Variants in HRH2 observed in about 807,000 individuals in gnomAD.
HRH2 encodes the protein histamine H2 receptor.
A neutral mutation model predicts 20.1 loss-of-function variants in HRH2; 4 were observed. The observed-to-expected ratio is 0.20, with a 90% CI of 0.10 to 0.45. The LOEUF is 0.45. HRH2 is among the 20% of genes least tolerant of loss of function. The pLI, the probability that HRH2 is intolerant of heterozygous loss-of-function variation, is 0.99. For synonymous variants in HRH2, 197 were observed against 200.7 expected (o/e 0.98, Z 0.16); for missense variants, 250 against 461.6 (o/e 0.54, Z 4.20).
Position 175,693,792 on chromosome 5 carries a change from T to C in HRH2, c.1076+9483T>C, listed in dbSNP as rs2113540209. Among the ~76,000 whole-genome samples, 2 of 152,298 alleles carry C rather than the reference T, an allele frequency of 1.3e-5. 1 individual carries two copies. Among genetic ancestry groups the C allele is most frequent in the South Asian group, 4.1e-4 (2 of 4,826 alleles). On this transcript the variant is annotated intron_variant, in intron 2 of 2. Transcript: ENST00000636584. This position sits in a 1 kb window ranked among gnomAD's most constrained non-coding sequence, Gnocchi z 4.4. Reference sequence around the variant, plus strand: ...GGTGGTAAGAGGATGCACATGCTCTTGTTCTGCCCCGCTTTTGTTCCACCT... The same window carrying C: ...GGTGGTAAGAGGATGCACATGCTCTCGTTCTGCCCCGCTTTTGTTCCACCT...
At position 175,681,918 on chromosome 5, in the gene HRH2, G is replaced by A. The variant is rs1033508464; in HGVS notation, c.-525-791G>A. Among the ~76,000 whole-genome samples the A allele has an allele frequency of 2.0e-5, 3 of 152,176 alleles. No homozygotes were observed. Among genetic ancestry groups the A allele is most frequent in the African/African-American group, 2.4e-5 (1 of 41,428 alleles). On this transcript the variant is annotated intron_variant, in intron 1 of 2. Coordinates refer to ENST00000636584, the MANE Select transcript of HRH2 (RefSeq NM_001367711.1). This position sits in a 1 kb window ranked among gnomAD's most constrained non-coding sequence, Gnocchi z 4.3. The stretch of plus-strand genomic sequence containing the variant: ...AGGGGTGGCGTGGATGACAGGTGAC[G>A]AACTGCCGATTAAATCTGGCCCTCT...
At chr5:175,667,203 G>C (rs1762924476) in intron 1 of HRH2, among the ~76,000 whole-genome samples, 1 of 152,062 alleles carries the variant, frequency 6.6e-6, no homozygotes, top group Non-Finnish European at 1.5e-5. Flanking sequence ...CAGCATTTTG[G>C]GAGGCTGAGG....
chr5:175,689,822 G>A (rs1756300500), intron 2 of HRH2, among the ~76,000 whole-genome samples: 1 of 152,216 alleles, frequency 6.6e-6, no homozygotes, highest in African/African-American at 2.4e-5. Flanking sequence ...TCTGAGTCAG[G>A]ATGGGAATCC....
At chr5:175,689,433 C>T (rs542106108) in intron 2 of HRH2, among the ~76,000 whole-genome samples, 7 of 152,246 alleles carry the variant, frequency 4.6e-5, no homozygotes, top group African/African-American at 1.7e-4. Flanking sequence ...GACCCTAACA[C>T]GTGGCACTGT....
At chr5:175,694,190 T>TC (rs1756484001) in intron 2 of HRH2, among the ~76,000 whole-genome samples, 1 of 152,120 alleles carries the variant, frequency 6.6e-6, no homozygotes, top group South Asian at 2.1e-4. Context: ...TTTATTCTGC[T>TC]CCGGGACCTC....
At chr5:175,676,004 G>T (rs909227658) in intron 1 of HRH2, among the ~76,000 whole-genome samples, 1 of 152,106 alleles carries the variant, frequency 6.6e-6, no homozygotes, top group Non-Finnish European at 1.5e-5. Context: ...GCGTGGGTAC[G>T]CACACGTGTG....
chr5:175,707,267 G>A (rs181745922), intron 2 of HRH2, among the ~76,000 whole-genome samples: 36 of 152,060 alleles, frequency 2.4e-4, no homozygotes, highest in Non-Finnish European at 3.7e-4. Flanking sequence ...TATAAAAAAG[G>A]CAATTTTAAA....
Position 175,684,314 on chromosome 5 carries a change from T to C in HRH2, c.1076+5T>C. 6 of 1,611,714 alleles carry C rather than the reference T, an allele frequency of 3.7e-6. No individual in the cohort carries two copies. Among genetic ancestry groups the C allele is most frequent in the Non-Finnish European group, 5.1e-6 (6 of 1,178,514 alleles). ...CCCCCAGGGAGCCACAGACAGGTAATAGCCCTAGCCATTGGTGCACAGGAT... is the reference window on the plus strand; with the variant it reads ...CCCCCAGGGAGCCACAGACAGGTAACAGCCCTAGCCATTGGTGCACAGGAT... On this transcript the variant is annotated splice_donor_5th_base_variant and intron_variant, in intron 2 of 2. Coordinates refer to ENST00000636584, the MANE Select transcript of HRH2 (RefSeq NM_001367711.1).
At position 175,699,384 on chromosome 5, in the gene HRH2, C is replaced by G. The variant is rs564162238; in HGVS notation, c.1077-8395C>G. On this transcript the variant is annotated intron_variant, in intron 2 of 2. Coordinates refer to ENST00000636584, the MANE Select transcript of HRH2 (RefSeq NM_001367711.1). ...CTGTGAGGTGGGTTGTGGCTGGCCC[C>G]AAGGGCAGGAGCCATCCCCTCTCCT... Among the ~76,000 whole-genome samples the G allele has an allele frequency of 3.3e-5, 5 of 152,294 alleles. No individual in the cohort carries two copies. In the South Asian group the frequency reaches 6.2e-4, roughly 19 times the overall value.
At chr5:175,702,667 T>C (rs1187323337) in intron 2 of HRH2, among the ~76,000 whole-genome samples, 1 of 143,730 alleles carries the variant, frequency 7.0e-6, no homozygotes, top group Non-Finnish European at 1.5e-5. Context: ...TTCTCCTGCC[T>C]CAACCTCCTG....
intron 2 of HRH2, among the ~76,000 whole-genome samples, chr5:175,698,530 G>T (rs1756684245): frequency 6.6e-6 from 1 of 152,144 alleles, no homozygotes; most frequent in Non-Finnish European, 1.5e-5. Context: ...CCCAGCTCAG[G>T]CCCCAGAACA....
At chr5:175,673,519 G>C (rs1171215862) in intron 1 of HRH2, among the ~76,000 whole-genome samples, 1 of 152,150 alleles carries the variant, frequency 6.6e-6, no homozygotes, top group Non-Finnish European at 1.5e-5. Flanking sequence ...CCAGGGGCTA[G>C]GGAAAGGGAG....
intron 2 of HRH2, chr5:175,685,373 G>A: frequency 6.5e-7 from 1 of 1,535,590 alleles, no homozygotes; most frequent in Non-Finnish European, 8.8e-7. Context: ...CATAGAAGTT[G>A]CTCAATAAAT....
At chr5:175,682,255 C>T (rs1027230702) in intron 1 of HRH2, among the ~76,000 whole-genome samples, 19 of 152,232 alleles carry the variant, frequency 1.2e-4, no homozygotes, top group African/African-American at 4.3e-4. Context: ...TGCCAAACAG[C>T]AGCACCAGAT....
Position 175,685,034 on chromosome 5 carries a change from C to T in HRH2, c.1076+725C>T, listed in dbSNP as rs559028516. Among the ~76,000 whole-genome samples the T allele has an allele frequency of 2.6e-5, 4 of 152,198 alleles. No individual in the cohort carries two copies. In the East Asian group the frequency reaches 5.8e-4, roughly 22 times the overall value. On this transcript the variant is annotated intron_variant, in intron 2 of 2. Coordinates refer to ENST00000636584, the MANE Select transcript of HRH2 (RefSeq NM_001367711.1). ...GTAGACGAGGGGGTTGTGGCACTGA[C>T]TCATGAGAGAGGAAAGAGAGGAAAG...
At position 175,665,978 on chromosome 5, in the gene HRH2, G is replaced by C. The variant is rs183443443; in HGVS notation, c.-526+7823G>C. On this transcript the variant is annotated intron_variant, in intron 1 of 2. Coordinates refer to ENST00000636584, the MANE Select transcript of HRH2 (RefSeq NM_001367711.1). Reference sequence around the variant, plus strand: ...AGGACATTTTATTTCAAACCCAGAAGATTTTACTGAACATCCAGATTTCCA... The same window carrying C: ...AGGACATTTTATTTCAAACCCAGAACATTTTACTGAACATCCAGATTTCCA... 1.4e-3 allele frequency among the ~76,000 whole-genome samples: 206 copies of C among 152,326 alleles called. 1 individual carries two copies. Among genetic ancestry groups the C allele is most frequent in the Non-Finnish European group, 1.9e-3 (127 of 68,028 alleles).
intron 1 of HRH2, among the ~76,000 whole-genome samples, chr5:175,668,844 G>A (rs991679716): frequency 2.6e-5 from 4 of 152,188 alleles, no homozygotes; most frequent in Non-Finnish European, 5.9e-5. Flanking sequence ...AAGAGGGTGG[G>A]AGAAGCAGGG....
chr5:175,658,634 G>A (rs893520813), intron 1 of HRH2, among the ~76,000 whole-genome samples: 4 of 152,180 alleles, frequency 2.6e-5, no homozygotes, highest in African/African-American at 9.7e-5. Flanking sequence ...GGAGAGCGGG[G>A]GCTGCTGGGG....
chr5:175,689,593 C>A (rs1756291804), intron 2 of HRH2, among the ~76,000 whole-genome samples: 1 of 152,218 alleles, frequency 6.6e-6, no homozygotes, highest in Non-Finnish European at 1.5e-5. Context: ...GTTCCAGAAA[C>A]CTCGTAAGAA....
Sources: allele counts gnomAD v4.1 joint callset (sites outside exome capture counted in the v4.1 genomes callset), GRCh38; gene constraint gnomAD v4.1.1; non-coding constraint Gnocchi (gnomAD v3.1); transcripts MANE v1.5; gene names NCBI Gene and HGNC (gene_info 2026-07-23, HGNC 2026-07-21).